The following PHF14 variants were observed in gnomAD, a reference collection of about 807,000 sequenced individuals.
PHF14 encodes PHD finger protein 14.
In PHF14, 55 loss-of-function variants were observed where a neutral mutation model predicts 117.9. The ratio of observed to expected loss-of-function variants is 0.47; its 90% CI spans 0.38 to 0.58. The LOEUF is 0.58. PHF14 is among the 20% of genes least tolerant of loss of function. PHF14 has a pLI of 0.00. For missense variants in PHF14, 978 were observed against 1,122.2 expected, an observed-to-expected ratio of 0.87 and a Z score of 1.84; for synonymous variants, 409 against 368.6, an observed-to-expected ratio of 1.11 and a Z score of -1.26.
At chr7:11,076,089 A>G (rs1785840095) in intron 16 of PHF14, among the ~76,000 whole-genome samples, 1 of 152,224 alleles carries the variant, frequency 6.6e-6, no homozygotes, top group Admixed American at 6.5e-5. Flanking sequence ...CAGTGAGCCA[A>G]GATCGTGCCG....
intron 14 of PHF14, among the ~76,000 whole-genome samples, chr7:11,052,270 C>T (rs1583414874): frequency 6.6e-6 from 1 of 152,022 alleles, no homozygotes; most frequent in East Asian, 1.9e-4. Flanking sequence ...ATATTTTGAC[C>T]AAAATTATGT....
intron 17 of PHF14, among the ~76,000 whole-genome samples, chr7:11,158,956 A>C (rs1394885199): frequency 6.6e-6 from 1 of 152,110 alleles, no homozygotes; most frequent in Non-Finnish European, 1.5e-5. Context: ...TTAGATACTG[A>C]GTTGTTTCTT....
intron 16 of PHF14, among the ~76,000 whole-genome samples, chr7:11,093,849 CAG>C (rs58380835): frequency 0.011 from 1,689 of 152,218 alleles, 21 homozygotes; most frequent in Non-Finnish European, 0.019. Context: ...TTCTGACTCT[CAG>C]GGGTAGGAGA....
At chr7:11,066,512 A>T (rs1785428855) in intron 16 of PHF14, among the ~76,000 whole-genome samples, 1 of 152,208 alleles carries the variant, frequency 6.6e-6, no homozygotes, top group African/African-American at 2.4e-5. Context: ...CCAGGTGACA[A>T]AAACTTTCTT....
chr7:11,004,333 A>T, intron 4 of PHF14, among the ~76,000 whole-genome samples: 1 of 138,296 alleles, frequency 7.2e-6, no homozygotes, highest in East Asian at 2.1e-4. Flanking sequence ...TTAAAACTTT[A>T]GTGTTTGTTC....
intron 12 of PHF14, among the ~76,000 whole-genome samples, chr7:11,041,420 G>A (rs1784500874): frequency 6.6e-6 from 1 of 150,924 alleles, no homozygotes; most frequent in South Asian, 2.1e-4. Flanking sequence ...AGATGCTGGT[G>A]TTTTTGTGTG....
chr7:11,028,155 T>C (rs6943379), intron 6 of PHF14, among the ~76,000 whole-genome samples: 88,338 of 151,970 alleles, frequency 0.58, 27,359 homozygotes, highest in East Asian at 0.85. Context: ...GCTTGGAACA[T>C]TTACATTAGC....
At chr7:11,010,112 T>A (rs1269734956) in intron 4 of PHF14, among the ~76,000 whole-genome samples, 2 of 152,186 alleles carry the variant, frequency 1.3e-5, no homozygotes, top group African/African-American at 2.4e-5. Flanking sequence ...TTATCTAGTT[T>A]GAATTTGTTT....
At chr7:11,105,004 C>G (rs1429423574) in intron 16 of PHF14, 1 of 900,782 alleles carries the variant, frequency 1.1e-6, no homozygotes, top group African/African-American at 1.8e-5. Flanking sequence ...GCAACACATA[C>G]AATTTTTTTT....
intron 16 of PHF14, among the ~76,000 whole-genome samples, chr7:11,100,492 T>C (rs1430494856): frequency 6.6e-6 from 1 of 151,964 alleles, no homozygotes; most frequent in Non-Finnish European, 1.5e-5. Flanking sequence ...ATTCCAGTTA[T>C]ATATTTAAAT....
At chr7:11,150,364 C>T (rs1480213978) in intron 17 of PHF14, among the ~76,000 whole-genome samples, 1 of 152,076 alleles carries the variant, frequency 6.6e-6, no homozygotes, top group African/African-American at 2.4e-5. Flanking sequence ...GTTATAAAGA[C>T]GAACAGAGGC....
chr7:11,135,504 A>G (rs913500257), intron 17 of PHF14, among the ~76,000 whole-genome samples: 4 of 152,120 alleles, frequency 2.6e-5, no homozygotes, highest in African/African-American at 4.8e-5. Flanking sequence ...TTTTGATACT[A>G]TGCTGGCTGA....
chr7:11,015,556 T>C (rs1365767480), intron 5 of PHF14, among the ~76,000 whole-genome samples: 2 of 152,136 alleles, frequency 1.3e-5, no homozygotes, highest in Non-Finnish European at 2.9e-5. Flanking sequence ...GGACTGTCTA[T>C]GTTTGGATTC....
rs750860479 is a variant in PHF14, at chr7:10,985,636, C to CCGGTTTTTTTTTTT, written c.900+2477_900+2478insCGGTTTTTTTTTTT. ...ATACTCTCTAGCAGTGATTCTCAAA[C>CCGGTTTTTTTTTTT]TGTTTTTTTTTTTTTTTTTTTTTTT... On this transcript the variant is annotated intron_variant, in intron 3 of 17. Coordinates refer to ENST00000634607, the MANE Select transcript of PHF14 (RefSeq NM_001007157.2). Among the ~76,000 whole-genome samples the CCGGTTTTTTTTTTT allele has an allele frequency of 1.2e-4, 11 of 90,858 alleles. No homozygotes were observed. The East Asian group carries it at 2.5e-3, about 20-fold the overall frequency. The allele number at this position is 90,858 out of a possible 152,430, so 59.6% of individuals were successfully genotyped here. A position where few individuals can be genotyped will look rare whatever the true frequency, so the allele number is the denominator to read the frequency against.
chr7:10,982,480 T>C lies in PHF14; in HGVS notation c.221T>C (p.Ile74Thr), dbSNP rs1373227541. 2.5e-6 allele frequency: 4 copies of C among 1,584,190 alleles called. No homozygotes were observed. The highest frequency in any genetic ancestry group is 1.4e-5 in the African/African-American group (1 of 73,900). The change falls in exon 3 of 18, where the codon ATT (isoleucine) becomes ACT (threonine). Residue 74 changes from isoleucine (I) to threonine (T), a missense_variant. Physicochemically the swap from Ile to Thr is moderately conservative, Grantham distance 89. Transcript: ENST00000634607. ...NILEEELNEDIKVKEEQLKNS... is the reference protein window; with the variant it reads ...NILEEELNEDTKVKEEQLKNS... ...TTAGAAGAAGAACTGAATGAAGATATTAAAGTAAAAGAAGAACAACTTAAA... is the reference window on the plus strand; with the variant it reads ...TTAGAAGAAGAACTGAATGAAGATACTAAAGTAAAAGAAGAACAACTTAAA...
At chr7:11,102,461 C>G (rs1583467420) in intron 16 of PHF14, 3 of 1,607,234 alleles carry the variant, frequency 1.9e-6, no homozygotes, top group Non-Finnish European at 2.6e-6. Flanking sequence ...TGTTAATGTT[C>G]TTTTCTTATC....
intron 4 of PHF14, among the ~76,000 whole-genome samples, chr7:11,000,115 G>A (rs564749367): frequency 5.3e-5 from 8 of 152,132 alleles, no homozygotes; most frequent in Middle Eastern, 6.8e-3. Flanking sequence ...TGAATTCTGT[G>A]AACTTTATAT....
intron 16 of PHF14, among the ~76,000 whole-genome samples, chr7:11,084,042 A>G (rs902098854): frequency 4.6e-5 from 7 of 152,182 alleles, no homozygotes; most frequent in African/African-American, 1.4e-4. Flanking sequence ...ACATAAGGAT[A>G]TGAGAAGATA....
intron 16 of PHF14, among the ~76,000 whole-genome samples, chr7:11,086,122 G>A (rs955315301): frequency 2.0e-5 from 3 of 152,104 alleles, no homozygotes; most frequent in Non-Finnish European, 4.4e-5. Context: ...CTCCTGGACC[G>A]TTGCAATAAC....
Sources: gnomAD v4.1 joint callset for allele counts (sites outside exome capture counted in the v4.1 genomes callset) on GRCh38, gnomAD v4.1.1 for gene constraint, MANE v1.5 for transcripts, NCBI Gene and HGNC (gene_info 2026-07-23, HGNC 2026-07-21) for gene names.